GREB1: variants seen among roughly 807,000 people sequenced by gnomAD.
GREB1 encodes the protein protein GREB1.
A neutral mutation model predicts 200.7 loss-of-function variants in GREB1; 106 were observed. The ratio of observed to expected loss-of-function variants is 0.53; its 90% CI spans 0.45 to 0.62. The LOEUF is 0.62. GREB1 is among the 20% of genes least tolerant of loss of function. The pLI is 0.00. For synonymous variants in GREB1, 1,132 were observed against 1,092.4 expected (o/e 1.04, Z -0.72); for missense variants, 2,243 against 2,556.8 (o/e 0.88, Z 2.65).
chr2:11,615,123 ACTC>A lies in GREB1; in HGVS notation c.3161_3163del (p.Ser1054del). On this transcript the variant is annotated inframe_deletion, in exon 20 of 33. Coordinates refer to ENST00000381486, the MANE Select transcript of GREB1 (RefSeq NM_014668.4). ...AGGTACTGTGACCTGCGATTGATAA[ACTC>A]CTCCTGCTTGGTGAGAACAGCCTTG... is the stretch of plus-strand genomic sequence containing the variant. 6.2e-7 allele frequency: 1 copy of A among 1,613,070 alleles called. No homozygotes were observed. The highest frequency in any genetic ancestry group is 8.5e-7 in the Non-Finnish European group (1 of 1,179,698).
In GREB1 at chr2:11,618,754, C is replaced by T; in HGVS notation, c.3879C>T (p.Ser1293=). Residue 1293 remains serine (S), a synonymous_variant, in exon 22 of 33, where the codon AGC becomes AGT. Transcript: ENST00000381486. ...CCTCCCCCTCGGTCATGTGGGCCAG[C>T]TCTTTCCGCCCCCTGCTCAGCAAGA... ...LLPSPSVMWA[S]SFRPLLSKTM... 2 of 1,613,336 alleles carry T rather than the reference C, an allele frequency of 1.2e-6. No homozygotes were observed. Among genetic ancestry groups the T allele is most frequent in the Non-Finnish European group, 1.7e-6 (2 of 1,179,838 alleles).
chr2:11,632,953 G>A lies in GREB1; in HGVS notation c.4881G>A (p.Gln1627=), dbSNP rs1441112854. The A allele has an allele frequency of 5.6e-6, 9 of 1,614,070 alleles. No individual in the cohort carries two copies. In the South Asian group the frequency reaches 7.7e-5, roughly 14 times the overall value. The change falls in exon 28 of 33, where the codon CAG becomes CAA. Residue 1627 remains glutamine (Q), a synonymous_variant. Transcript: ENST00000381486. Reference sequence around the variant, plus strand: ...ACCTGGAGCTCGAGCGGAACCGGCAGGAGGAGCTGGGAATCAAGCCGCAGG... The same window carrying A: ...ACCTGGAGCTCGAGCGGAACCGGCAAGAGGAGCTGGGAATCAAGCCGCAGG... The part of the protein sequence containing the change: ...YHNLELERNR[Q]EELGIKPQDI...
Position 11,632,902 on chromosome 2 carries a change from C to G in GREB1, c.4830C>G (p.Phe1610Leu), listed in dbSNP as rs1317960804. ...TGCCCACTGCAGGTGCTGCTCATTT[C>G]CTCATCAAGGAGCTGTCCTACCATA... ...FNSAGVGAAH[F>L]LIKELSYHNL... Residue 1610 changes from phenylalanine (F) to leucine (L), a missense_variant, in exon 28 of 33, where the codon TTC becomes TTG. By Grantham distance (22) the Phe-to-Leu change is conservative (BLOSUM62 0). Transcript: ENST00000381486. 3 of 1,613,800 alleles carry G rather than the reference C, an allele frequency of 1.9e-6. No individual in the cohort carries two copies. In the African/African-American group the frequency reaches 4.0e-5, roughly 22 times the overall value.
At chr2:11,539,719 C>G (rs1048653951) in intron 1 of GREB1, 2 of 151,732 alleles carry the variant, frequency 1.3e-5, no homozygotes, top group Non-Finnish European at 2.9e-5. Flanking sequence ...TAAGAAGACA[C>G]GAAACGGTGG....
At chr2:11,498,551 G>C (rs1672948031) in intron 1 of GREB1, among the ~76,000 whole-genome samples, 1 of 152,236 alleles carries the variant, frequency 6.6e-6, no homozygotes, top group African/African-American at 2.4e-5. Context: ...AGAGTGTTCA[G>C]CTTCGGGACA....
intron 1 of GREB1, among the ~76,000 whole-genome samples, chr2:11,485,461 A>C (rs1173811998): frequency 6.6e-6 from 1 of 151,576 alleles, no homozygotes; most frequent in African/African-American, 2.4e-5. Flanking sequence ...TTTAGTAGAG[A>C]TAAGGTTTCA....
chr2:11,530,880 G>C (rs887394424), upstream of GREB1, among the ~76,000 whole-genome samples: 46 of 152,260 alleles, frequency 3.0e-4, no homozygotes, highest in African/African-American at 1.1e-3. Context: ...AAGGCTGTGT[G>C]GGGGAAATAG....
In GREB1 at chr2:11,618,647, A is replaced by G. The variant is rs372100050; in HGVS notation, c.3772A>G (p.Ile1258Val). 41 of 1,613,410 alleles carry G rather than the reference A, an allele frequency of 2.5e-5. No individual in the cohort carries two copies. The highest frequency in any genetic ancestry group is 2.9e-5 in the Non-Finnish European group (34 of 1,179,962). The change falls in exon 22 of 33, where the codon ATT (isoleucine) becomes GTT (valine). Residue 1258 changes from isoleucine (I) to valine (V), a missense_variant. Around this residue, in one of 3 missense-constraint regions of GREB1, gnomAD observed 587 missense variants for 553.1 expected, o/e 1.06. Coordinates refer to ENST00000381486, the MANE Select transcript of GREB1 (RefSeq NM_014668.4). ...GACCAAGGCCTGCCGCCAGCCACCC[A>G]TTGTCTTCTTGCCCAAGCTCGTGTA... ...SLTKACRQPP[I>V]VFLPKLVYDM...
intron 9 of GREB1, among the ~76,000 whole-genome samples, chr2:11,586,590 T>C (rs930528447): frequency 2.6e-5 from 4 of 152,130 alleles, no homozygotes; most frequent in African/African-American, 9.7e-5. Flanking sequence ...AACACACACA[T>C]ACATACACGC....
At chr2:11,626,128 G>T (rs901648993) in intron 24 of GREB1, among the ~76,000 whole-genome samples, 1 of 152,122 alleles carries the variant, frequency 6.6e-6, no homozygotes, top group Non-Finnish European at 1.5e-5. Flanking sequence ...GTAGATTTGG[G>T]TGGGGACACA....
intron 1 of GREB1, among the ~76,000 whole-genome samples, chr2:11,549,031 T>C (rs1675557710): frequency 6.6e-6 from 1 of 152,190 alleles, no homozygotes; most frequent in South Asian, 2.1e-4. Context: ...TCTTTACCTG[T>C]TTATCTCCAG....
intron 1 of GREB1, among the ~76,000 whole-genome samples, chr2:11,484,758 A>G (rs1672610976): frequency 6.6e-6 from 1 of 152,214 alleles, no homozygotes; most frequent in Non-Finnish European, 1.5e-5. Flanking sequence ...ACTTCACTGC[A>G]CGTAGCAGGG....
chr2:11,540,986 T>G (rs1464936768), intron 1 of GREB1, among the ~76,000 whole-genome samples: 4 of 152,234 alleles, frequency 2.6e-5, no homozygotes, highest in Admixed American at 6.5e-5. Flanking sequence ...TCACCATGCT[T>G]CTGTGTTGGC....
intron 1 of GREB1, among the ~76,000 whole-genome samples, chr2:11,518,908 C>G (rs529404041): frequency 6.6e-6 from 1 of 151,198 alleles, no homozygotes; most frequent in South Asian, 2.1e-4. Context: ...ACCATCTTGG[C>G]TAACATACAG....
chr2:11,612,456 G>C, intron 18 of GREB1, 39 bp from the exon 19 acceptor site: 1 of 1,541,676 alleles, frequency 6.5e-7, no homozygotes, highest in Non-Finnish European at 9.0e-7. Context: ...GTTGGGAAGG[G>C]AGGCGTCTGT....
chr2:11,576,601 C>T (rs542546874), intron 5 of GREB1, 66 bp downstream of exon 5: 36 of 1,253,298 alleles, frequency 2.9e-5, no homozygotes, highest in Middle Eastern at 1.9e-4. Flanking sequence ...TGGTGCCTGT[C>T]GGTGTGATGC....
At chr2:11,557,934 G>A (rs1266738976) in intron 2 of GREB1, among the ~76,000 whole-genome samples, 1 of 152,134 alleles carries the variant, frequency 6.6e-6, no homozygotes, top group African/African-American at 2.4e-5. Flanking sequence ...ACTGTTTTTG[G>A]CCAGTTGAAA....
chr2:11,622,723 G>T (rs1684108169), intron 23 of GREB1, among the ~76,000 whole-genome samples: 1 of 152,226 alleles, frequency 6.6e-6, no homozygotes, highest in South Asian at 2.1e-4. Flanking sequence ...TTAGATAGAG[G>T]CAAGAAAGGA....
Position 11,629,563 on chromosome 2 carries a change from C to G in GREB1, c.4450-385C>G, listed in dbSNP as rs567980635. 3.3e-5 allele frequency among the ~76,000 whole-genome samples: 5 copies of G among 152,172 alleles called. No homozygotes were observed. Among genetic ancestry groups the G allele is most frequent in the Non-Finnish European group, 7.3e-5 (5 of 68,034 alleles). ...AGTGTTAATATGTGATTGCATGTAA[C>G]TGTGATGGAGAAATACATTTATTAG... On this transcript the variant is annotated intron_variant, in intron 25 of 32. Transcript: ENST00000381486. This position sits in a 1 kb window ranked among gnomAD's most constrained non-coding sequence, Gnocchi z 5.2.
Sources: allele counts gnomAD v4.1 joint callset (sites outside exome capture counted in the v4.1 genomes callset), GRCh38; gene constraint gnomAD v4.1.1; regional missense constraint gnomAD v4.1.1; non-coding constraint Gnocchi (gnomAD v3.1); transcripts MANE v1.5; gene names NCBI Gene and HGNC (gene_info 2026-07-23, HGNC 2026-07-21).